The following XXYLT1 variants were observed in gnomAD, a reference collection of about 807,000 sequenced individuals.
The protein encoded by XXYLT1 is xyloside xylosyltransferase 1.
In XXYLT1, 20 loss-of-function variants were observed where a neutral mutation model predicts 28.9. The observed-to-expected ratio is 0.69, with a 90% CI of 0.49 to 1.00. XXYLT1 has a LOEUF of 1.00. Ranked by LOEUF, XXYLT1 falls within the 50% of genes least tolerant of loss-of-function variation. The probability of loss-of-function intolerance (pLI) is 0.00; values close to 1 mark genes in which losing one functional copy is unlikely to be tolerated. For synonymous variants in XXYLT1, 257 were observed against 253.8 expected (o/e 1.01, Z -0.12); for missense variants, 542 against 560.1 (o/e 0.97, Z 0.33).
chr3:195,086,953 C>A (rs1032231990), intron 3 of XXYLT1, among the ~76,000 whole-genome samples: 2 of 152,134 alleles, frequency 1.3e-5, no homozygotes, highest in Non-Finnish European at 2.9e-5. Flanking sequence ...GGCCCCTCCC[C>A]GATACCTCCC....
intron 3 of XXYLT1, among the ~76,000 whole-genome samples, chr3:195,109,515 AGT>A (rs1411217080): frequency 3.0e-5 from 4 of 132,458 alleles, no homozygotes; most frequent in South Asian, 5.0e-4. Flanking sequence ...GTGGTGTATG[AGT>A]GTGCATGTGT....
At chr3:195,073,461 A>C (rs1488311554) in intron 3 of XXYLT1, among the ~76,000 whole-genome samples, 1 of 152,158 alleles carries the variant, frequency 6.6e-6, no homozygotes, top group Admixed American at 6.5e-5. Flanking sequence ...GAGCATCCAG[A>C]AGTTTCTCTG....
chr3:195,149,898 C>CT (rs1183758003), intron 3 of XXYLT1, among the ~76,000 whole-genome samples: 1 of 152,168 alleles, frequency 6.6e-6, no homozygotes, highest in East Asian at 1.9e-4. Context: ...TAGCTAGCTG[C>CT]GAGGAAGCCG....
chr3:195,145,369 C>T (rs149059665), intron 3 of XXYLT1, among the ~76,000 whole-genome samples: 4,355 of 146,050 alleles, frequency 0.03, 154 homozygotes, highest in East Asian at 0.14. Flanking sequence ...TCCACGGTGA[C>T]TGGCACTGAT....
At chr3:195,224,753 G>A (rs1313058411) in intron 2 of XXYLT1, among the ~76,000 whole-genome samples, 4 of 152,166 alleles carry the variant, frequency 2.6e-5, no homozygotes, top group African/African-American at 7.2e-5. Flanking sequence ...AACCCCTAGC[G>A]GGGATTCCTG....
At chr3:195,211,711 G>A (rs1415109204) in intron 2 of XXYLT1, among the ~76,000 whole-genome samples, 2 of 152,204 alleles carry the variant, frequency 1.3e-5, no homozygotes, top group Non-Finnish European at 2.9e-5. Flanking sequence ...AGCAAGGAAG[G>A]GCCAGGGCCC....
chr3:195,248,371 A>G (rs1725119040), intron 1 of XXYLT1, among the ~76,000 whole-genome samples: 1 of 152,168 alleles, frequency 6.6e-6, no homozygotes, highest in South Asian at 2.1e-4. Context: ...AGGTAACTGA[A>G]TCGTGCGGGC....
intron 2 of XXYLT1, among the ~76,000 whole-genome samples, chr3:195,201,988 C>T (rs1035345162): frequency 1.3e-5 from 2 of 152,122 alleles, no homozygotes; most frequent in Admixed American, 1.3e-4. Context: ...ACCAGCCTGA[C>T]CAACATGGAG....
At chr3:195,172,993 G>A (rs1289358182) in intron 2 of XXYLT1, among the ~76,000 whole-genome samples, 1 of 152,218 alleles carries the variant, frequency 6.6e-6, no homozygotes, top group Non-Finnish European at 1.5e-5. Flanking sequence ...CTGATCGGGT[G>A]AGGGGCTTTA....
intron 1 of XXYLT1, among the ~76,000 whole-genome samples, chr3:195,246,901 C>T (rs1481825513): frequency 6.6e-6 from 1 of 152,184 alleles, no homozygotes; most frequent in Non-Finnish European, 1.5e-5. Flanking sequence ...CGCCACCTGC[C>T]GCTCCAGCCT....
Position 195,195,659 on chromosome 3 carries a change from C to G in XXYLT1, c.652+31050G>C, listed in dbSNP as rs190146103. On this transcript the variant is annotated intron_variant, in intron 2 of 3. Transcript: ENST00000310380. The surrounding 1 kb of genome is among the most constrained non-coding windows in gnomAD (Gnocchi z 4.4). ...CTGGTCCCTTCACTCTGGCAGTTCCCCTACTGCCCAGCCCGGGAACTCCAT... is the reference window on the plus strand; with the variant it reads ...CTGGTCCCTTCACTCTGGCAGTTCCGCTACTGCCCAGCCCGGGAACTCCAT... Among the ~76,000 whole-genome samples, 1 of 152,176 alleles carries G rather than the reference C, an allele frequency of 6.6e-6. No individual in the cohort carries two copies. Among genetic ancestry groups the G allele is most frequent in the Admixed American group, 6.5e-5 (1 of 15,280 alleles).
chr3:195,114,933 C>T (rs374360982), intron 3 of XXYLT1, among the ~76,000 whole-genome samples: 2 of 152,340 alleles, frequency 1.3e-5, no homozygotes, highest in East Asian at 1.9e-4. Flanking sequence ...ACACCGGGGT[C>T]GGCCTGGGCG....
At chr3:195,070,852 T>A (rs550783684) in intron 3 of XXYLT1, among the ~76,000 whole-genome samples, 7,870 of 152,238 alleles carry the variant, frequency 0.052, 310 homozygotes, top group East Asian at 0.19. Context: ...CCATGTAGGA[T>A]GATGTCTACT....
intron 3 of XXYLT1, among the ~76,000 whole-genome samples, chr3:195,106,519 G>C (rs1041956337): frequency 6.6e-6 from 1 of 152,348 alleles, no homozygotes; most frequent in Non-Finnish European, 1.5e-5. Context: ...TCCAGGGCTC[G>C]GTGATTCGGG....
chr3:195,072,230 C>T (rs1714862217), intron 3 of XXYLT1, among the ~76,000 whole-genome samples: 1 of 152,170 alleles, frequency 6.6e-6, no homozygotes, highest in Non-Finnish European at 1.5e-5. Context: ...GGACACGATG[C>T]TGCACCTGCA....
chr3:195,223,182 G>A (rs576871567), intron 2 of XXYLT1, among the ~76,000 whole-genome samples: 7 of 152,236 alleles, frequency 4.6e-5, no homozygotes, highest in African/African-American at 1.4e-4. Context: ...GCAGTGAGCC[G>A]AGGTTGTGCC....
At position 195,195,359 on chromosome 3, in the gene XXYLT1, G is replaced by A. The variant is rs1722581710; in HGVS notation, c.652+31350C>T. On this transcript the variant is annotated intron_variant, in intron 2 of 3. Transcript: ENST00000310380. The surrounding 1 kb of genome is among the most constrained non-coding windows in gnomAD (Gnocchi z 4.4). Reference sequence around the variant, plus strand: ...ACCAGCAAGACATGCCTGGCTTGAAGTGCTCTGAGAAGGTGGCCTGGCTTC... The same window carrying A: ...ACCAGCAAGACATGCCTGGCTTGAAATGCTCTGAGAAGGTGGCCTGGCTTC... Among the ~76,000 whole-genome samples, 1 of 152,188 alleles carries A rather than the reference G, an allele frequency of 6.6e-6. No individual in the cohort carries two copies. Among genetic ancestry groups the A allele is most frequent in the Non-Finnish European group, 1.5e-5 (1 of 68,040 alleles).
At chr3:195,123,363 G>A (rs1040417221) in intron 3 of XXYLT1, among the ~76,000 whole-genome samples, 3 of 152,194 alleles carry the variant, frequency 2.0e-5, no homozygotes, top group African/African-American at 4.8e-5. Flanking sequence ...TCTCCTGGCC[G>A]GCTGACGGAA....
intron 3 of XXYLT1, among the ~76,000 whole-genome samples, chr3:195,075,373 C>A (rs1715055402): frequency 6.6e-6 from 1 of 152,254 alleles, no homozygotes. Flanking sequence ...GGTTCATATA[C>A]CCATTGTGCA....
Sources: allele counts gnomAD v4.1 joint callset (sites outside exome capture counted in the v4.1 genomes callset), GRCh38; gene constraint gnomAD v4.1.1; non-coding constraint Gnocchi (gnomAD v3.1); transcripts MANE v1.5; gene names NCBI Gene and HGNC (gene_info 2026-07-23, HGNC 2026-07-21).